Variants in MAST4 observed in about 807,000 individuals in gnomAD.
MAST4 encodes microtubule-associated serine/threonine-protein kinase 4.
A neutral mutation model predicts 162.7 loss-of-function variants in MAST4; 89 were observed. The ratio of observed to expected loss-of-function variants is 0.55; its 90% confidence interval spans 0.46 to 0.65. The LOEUF is 0.65. Ranked by LOEUF, MAST4 falls within the 30% of genes least tolerant of loss-of-function variation. The pLI, the probability that MAST4 is intolerant of heterozygous loss-of-function variation, is 0.00. For missense variants in MAST4, 3,153 were observed against 3,374.0 expected, an observed-to-expected ratio of 0.93 and a Z score of 1.62; for synonymous variants, 1,479 against 1,361.1, an observed-to-expected ratio of 1.09 and a Z score of -1.91.
At chr5:66,773,281 G>A (rs904955297) in intron 2 of MAST4, among the ~76,000 whole-genome samples, 1 of 152,186 alleles carries the variant, frequency 6.6e-6, no homozygotes, top group Non-Finnish European at 1.5e-5. Flanking sequence ...TCATTGTCAT[G>A]TTCCATTGTC....
intron 5 of MAST4, among the ~76,000 whole-genome samples, chr5:67,069,651 GGTT>G (rs1760691391): frequency 5.3e-5 from 8 of 152,102 alleles, no homozygotes; most frequent in Admixed American, 5.2e-4. Context: ...GAGGAAAACA[GGTT>G]GTCCTGTGGA....
At chr5:67,153,797 C>T (rs1032386616) in intron 26 of MAST4, among the ~76,000 whole-genome samples, 1 of 152,134 alleles carries the variant, frequency 6.6e-6, no homozygotes, top group Non-Finnish European at 1.5e-5. Context: ...TTTAATTTTG[C>T]TTCTCATTCT....
chr5:66,692,957 A>C (rs928058135), intron 1 of MAST4, among the ~76,000 whole-genome samples: 3 of 151,376 alleles, frequency 2.0e-5, no homozygotes, highest in African/African-American at 7.3e-5. Context: ...GCTCATAAAA[A>C]TATATTTCTC....
intron 4 of MAST4, among the ~76,000 whole-genome samples, chr5:67,033,235 A>C (rs986783340): frequency 1.3e-5 from 2 of 151,376 alleles, no homozygotes; most frequent in African/African-American, 4.8e-5. Context: ...AAAAAGTGGC[A>C]GCTATTAACA....
intron 1 of MAST4, among the ~76,000 whole-genome samples, chr5:66,687,112 G>T (rs753462148): frequency 1.3e-5 from 2 of 152,036 alleles, no homozygotes; most frequent in African/African-American, 4.8e-5. Context: ...CAGTGGGTAT[G>T]TGCAGAGGTT....
intron 15 of MAST4, 143 bp from the exon 16 acceptor site, chr5:67,131,670 G>T (rs1319719631): frequency 1.5e-6 from 1 of 689,444 alleles, no homozygotes; most frequent in South Asian, 2.4e-5. Context: ...AACATGATAG[G>T]TTAACACATA....
At chr5:66,928,044 A>G (rs1765036200) in intron 4 of MAST4, among the ~76,000 whole-genome samples, 1 of 152,180 alleles carries the variant, frequency 6.6e-6, no homozygotes, top group East Asian at 1.9e-4. Flanking sequence ...GGACACAGTT[A>G]TATTGATTTA....
At chr5:66,645,029 A>G (rs917854890) in intron 1 of MAST4, among the ~76,000 whole-genome samples, 1 of 151,818 alleles carries the variant, frequency 6.6e-6, no homozygotes. Context: ...GGTTGGGGGA[A>G]CTGGTCTGTG....
chr5:67,063,303 T>C (rs759695613), intron 5 of MAST4, among the ~76,000 whole-genome samples: 13 of 152,210 alleles, frequency 8.5e-5, no homozygotes, highest in Non-Finnish European at 8.8e-5. Context: ...TCTGGGGTAT[T>C]GCTTTGTGTC....
At chr5:66,723,480 G>T (rs1751340964) in intron 1 of MAST4, among the ~76,000 whole-genome samples, 1 of 152,156 alleles carries the variant, frequency 6.6e-6, no homozygotes, top group Admixed American at 6.5e-5. Flanking sequence ...TGCTGACTTT[G>T]CCCTTTCAGA....
intron 3 of MAST4, among the ~76,000 whole-genome samples, chr5:66,858,249 C>T (rs1395560156): frequency 6.6e-6 from 1 of 152,196 alleles, no homozygotes; most frequent in African/African-American, 2.4e-5. Context: ...AAGTGATCCT[C>T]CCGCCTCAGC....
At chr5:66,766,204 G>A (rs1342133407) in intron 2 of MAST4, among the ~76,000 whole-genome samples, 3 of 152,150 alleles carry the variant, frequency 2.0e-5, no homozygotes, top group African/African-American at 7.2e-5. Context: ...GCATTCTACA[G>A]CTGTGATGTA....
intron 1 of MAST4, among the ~76,000 whole-genome samples, chr5:66,728,349 C>T (rs1447576101): frequency 1.3e-5 from 2 of 152,112 alleles, no homozygotes; most frequent in African/African-American, 4.8e-5. Context: ...AAGAAGGATA[C>T]TAAAATACAT....
At chr5:67,017,605 CTTT>C (rs34059850) in intron 4 of MAST4, among the ~76,000 whole-genome samples, 10 of 135,008 alleles carry the variant, frequency 7.4e-5, no homozygotes, top group African/African-American at 5.5e-5. Context: ...TTTTTCTTTT[CTTT>C]TTTTTTTTTT....
In MAST4 at chr5:67,165,259, C is replaced by G; in HGVS notation, c.6080C>G (p.Thr2027Arg). 2.5e-6 allele frequency: 4 copies of G among 1,613,210 alleles called. No individual in the cohort carries two copies. The highest frequency in any genetic ancestry group is 2.5e-6 in the Non-Finnish European group (3 of 1,179,806). Residue 2027 changes from threonine to arginine, a missense_variant, in exon 29 of 29, where the codon ACA becomes AGA. Thr to Arg is a moderately conservative substitution (Grantham distance 71). Coordinates refer to ENST00000403625, the MANE Select transcript of MAST4 (RefSeq NM_001164664.2). ...SVGRTHPDFY[T>R]QTQAMEKAWA... ...GGAAGGACCCACCCAGATTTCTATA[C>G]ACAGACCCAGGCCATGGAGAAAGCA...
chr5:66,960,286 A>G (rs1745845931), intron 4 of MAST4, among the ~76,000 whole-genome samples: 1 of 152,216 alleles, frequency 6.6e-6, no homozygotes, highest in South Asian at 2.1e-4. Context: ...CTTAATTAAT[A>G]AAAGCATGAC....
chr5:66,825,992 T>A (rs1359755159), intron 3 of MAST4, among the ~76,000 whole-genome samples: 2 of 152,234 alleles, frequency 1.3e-5, no homozygotes, highest in Non-Finnish European at 2.9e-5. Flanking sequence ...GTGAATAGTG[T>A]CATCATTTGA....
At chr5:66,880,151 AG>A (rs768368272) in intron 3 of MAST4, among the ~76,000 whole-genome samples, 3 of 152,228 alleles carry the variant, frequency 2.0e-5, no homozygotes, top group Admixed American at 1.3e-4. Flanking sequence ...TCCTGATCAG[AG>A]GGAAAAGTCA....
intron 1 of MAST4, among the ~76,000 whole-genome samples, chr5:66,659,797 G>A (rs1257697488): frequency 6.6e-6 from 1 of 152,224 alleles, no homozygotes; most frequent in Non-Finnish European, 1.5e-5. Flanking sequence ...TAGCGCATGT[G>A]CTAGCAGAGG....
Sources: allele counts gnomAD v4.1 joint callset (sites outside exome capture counted in the v4.1 genomes callset), GRCh38; gene constraint gnomAD v4.1.1; transcripts MANE v1.5; gene names NCBI Gene and HGNC (gene_info 2026-07-23, HGNC 2026-07-21).